Variants in ADK observed in about 807,000 individuals in gnomAD.
ADK encodes the protein adenosine kinase, also known as N6,N6-dimethyladenosine kinase.
ADK carries 24 observed loss-of-function variants against 44.7 expected under a neutral mutation model. The observed-to-expected ratio is 0.54, with a 90% CI of 0.39 to 0.76. ADK has a LOEUF of 0.76. ADK is among the 30% of genes least tolerant of loss of function. The pLI is 0.00. For synonymous variants in ADK, 128 were observed against 142.6 expected (o/e 0.90, Z 0.73); for missense variants, 321 against 425.1 (o/e 0.76, Z 2.15).
chr10:74,296,031 A>G (rs761778678), intron 3 of ADK, among the ~76,000 whole-genome samples: 2 of 148,074 alleles, frequency 1.4e-5, no homozygotes, highest in Non-Finnish European at 3.0e-5. Context: ...TCTGTAGATC[A>G]TGATGTATGT....
chr10:74,641,733 G>C (rs2134099059), intron 9 of ADK: 1 of 152,324 alleles, frequency 6.6e-6, no homozygotes, highest in African/African-American at 2.4e-5. Flanking sequence ...CATAAGCACT[G>C]TTCGGGATCT....
chr10:74,625,818 G>T (rs1042128387), intron 9 of ADK, among the ~76,000 whole-genome samples: 6 of 152,130 alleles, frequency 3.9e-5, no homozygotes, highest in Non-Finnish European at 5.9e-5. Context: ...AAAGGCTAAT[G>T]AATTCAGTCA....
intron 10 of ADK, among the ~76,000 whole-genome samples, chr10:74,702,965 A>G (rs1856486959): frequency 6.6e-6 from 1 of 152,138 alleles, no homozygotes; most frequent in South Asian, 2.1e-4. Context: ...GTACTATACA[A>G]TGGAGAAGTA....
intron 1 of ADK, among the ~76,000 whole-genome samples, chr10:74,183,759 C>T (rs1413499536): frequency 2.6e-5 from 4 of 151,694 alleles, no homozygotes; most frequent in African/African-American, 4.8e-5. Context: ...CCACCCACCT[C>T]GGCCTCCCAA....
chr10:74,485,324 T>A (rs1847225807), intron 6 of ADK, among the ~76,000 whole-genome samples: 1 of 152,054 alleles, frequency 6.6e-6, no homozygotes, highest in African/African-American at 2.4e-5. Flanking sequence ...TAGCCGGGCA[T>A]GGTGGCACAT....
At chr10:74,624,636 T>C (rs1349539504) in intron 9 of ADK, among the ~76,000 whole-genome samples, 1 of 152,124 alleles carries the variant, frequency 6.6e-6, no homozygotes, top group Non-Finnish European at 1.5e-5. Flanking sequence ...TAGAGCTGTT[T>C]AGCTGTCAGT....
intron 4 of ADK, among the ~76,000 whole-genome samples, chr10:74,326,129 G>T: frequency 6.6e-6 from 1 of 152,006 alleles, no homozygotes; most frequent in African/African-American, 2.4e-5. Flanking sequence ...CTGGTATTTT[G>T]TTCAGGATTT....
intron 4 of ADK, chr10:74,372,370 A>G (rs1003357413): frequency 2.8e-5 from 21 of 738,826 alleles, no homozygotes; most frequent in Admixed American, 7.0e-5. Context: ...ACAGCTCCCA[A>G]TGCTCAGGCC....
intron 9 of ADK, among the ~76,000 whole-genome samples, chr10:74,651,587 G>A (rs1429523498): frequency 6.6e-6 from 1 of 152,004 alleles, no homozygotes; most frequent in Non-Finnish European, 1.5e-5. Flanking sequence ...TATCACTGTT[G>A]ATGAAGGTTA....
chr10:74,565,708 C>G (rs1322599124), intron 7 of ADK, among the ~76,000 whole-genome samples: 2 of 97,072 alleles, frequency 2.1e-5, no homozygotes, highest in Non-Finnish European at 3.7e-5. Flanking sequence ...GCCTGGGCAA[C>G]AAGAGCGAAA....
intron 4 of ADK, chr10:74,371,612 T>C (rs1044057019): frequency 1.0e-4 from 108 of 1,050,860 alleles, no homozygotes; most frequent in Admixed American, 2.7e-4. Context: ...CCTGCTTAGG[T>C]GGTACCAATC....
At position 74,682,613 on chromosome 10, in the gene ADK, G is replaced by A. The variant is rs560884705; in HGVS notation, c.964+12344G>A. On this transcript the variant is annotated intron_variant, in intron 10 of 10. Coordinates refer to ENST00000539909, the MANE Select transcript of ADK (RefSeq NM_006721.4). Reference sequence around the variant, plus strand: ...TTTTGAGACGGAGTCTAGCTGTGTCGCCCAGAATGGACTGCAGTGGTGTGA... The same window carrying A: ...TTTTGAGACGGAGTCTAGCTGTGTCACCCAGAATGGACTGCAGTGGTGTGA... Among the ~76,000 whole-genome samples, 73 of 138,956 alleles carry A rather than the reference G, an allele frequency of 5.3e-4. No homozygotes were observed. The South Asian group carries it at 5.3e-3, about 10-fold the overall frequency. The allele number at this position is 138,956 out of a possible 152,430, so 91.2% of individuals were successfully genotyped here.
chr10:74,700,041 G>C (rs951514270), intron 10 of ADK, among the ~76,000 whole-genome samples: 3 of 152,084 alleles, frequency 2.0e-5, no homozygotes, highest in African/African-American at 7.2e-5. Flanking sequence ...TTATCCTGAA[G>C]ATACGCCCCT....
intron 4 of ADK, among the ~76,000 whole-genome samples, chr10:74,389,541 A>T (rs1459503941): frequency 2.0e-5 from 3 of 151,958 alleles, no homozygotes; most frequent in South Asian, 4.2e-4. Flanking sequence ...CTTTACTGAG[A>T]TTATTAAGTG....
At chr10:74,356,532 A>G (rs1842153370) in intron 4 of ADK, among the ~76,000 whole-genome samples, 1 of 152,178 alleles carries the variant, frequency 6.6e-6, no homozygotes, top group African/African-American at 2.4e-5. Flanking sequence ...TAAAATACCC[A>G]TTTTATAAAT....
intron 2 of ADK, among the ~76,000 whole-genome samples, chr10:74,201,179 T>TA (rs1843362602): frequency 6.6e-6 from 1 of 152,216 alleles, no homozygotes; most frequent in Admixed American, 6.5e-5. Context: ...ACAGACATTC[T>TA]ACCCCGAATG....
chr10:74,539,769 G>T (rs1418404741), intron 7 of ADK, among the ~76,000 whole-genome samples: 3 of 152,120 alleles, frequency 2.0e-5, no homozygotes, highest in Middle Eastern at 3.2e-3. Context: ...GAAGGATAAT[G>T]AAATTTCAGT....
intron 4 of ADK, among the ~76,000 whole-genome samples, chr10:74,361,368 A>G (rs1406467370): frequency 6.6e-6 from 1 of 152,062 alleles, no homozygotes. Context: ...TTCTCTTAAG[A>G]GTACATTTTA....
intron 2 of ADK, among the ~76,000 whole-genome samples, chr10:74,212,190 T>G (rs1843839566): frequency 3.9e-5 from 6 of 152,250 alleles, no homozygotes; most frequent in Admixed American, 3.3e-4. Context: ...TTCCTTCATT[T>G]TGCCCAAATA....
Sources: allele counts gnomAD v4.1 joint callset (sites outside exome capture counted in the v4.1 genomes callset), GRCh38; gene constraint gnomAD v4.1.1; transcripts MANE v1.5; gene names NCBI Gene and HGNC (gene_info 2026-07-23, HGNC 2026-07-21).